The following SHB variants were observed in gnomAD, a reference collection of about 807,000 sequenced individuals.
The protein encoded by SHB is SH2 domain containing adaptor protein B, also known as SH2 domain-containing adapter protein B.
A neutral mutation model predicts 52.3 loss-of-function variants in SHB; 20 were observed. That is an observed-to-expected ratio of 0.38 (90% CI 0.27 to 0.56). The LOEUF is 0.56. SHB is among the 20% of genes least tolerant of loss of function. SHB has a pLI of 0.71. For synonymous variants in SHB, 397 were observed against 316.5 expected (o/e 1.25, Z -2.70); for missense variants, 825 against 723.3 (o/e 1.14, Z -1.61).
chr9:37,945,085 AG>A (rs759331002), intron 5 of SHB, among the ~76,000 whole-genome samples: 16 of 152,132 alleles, frequency 1.1e-4, no homozygotes, highest in Non-Finnish European at 1.9e-4. Flanking sequence ...GTGTCCTCTG[AG>A]GCTGAACTCC....
At chr9:38,035,609 G>A (rs1465980724) in intron 1 of SHB, among the ~76,000 whole-genome samples, 2 of 152,140 alleles carry the variant, frequency 1.3e-5, no homozygotes, top group Non-Finnish European at 2.9e-5. Context: ...GTTCAGCAAT[G>A]CCCACGGTGG....
At chr9:38,054,520 C>A (rs1012329193) in intron 1 of SHB, among the ~76,000 whole-genome samples, 1 of 152,206 alleles carries the variant, frequency 6.6e-6, no homozygotes, top group Non-Finnish European at 1.5e-5. Context: ...TTCATGCCCA[C>A]AGGAAGCTCC....
rs1413115529 is a variant in SHB, at chr9:38,029,724, C to G, written c.718-13593G>C. Among the ~76,000 whole-genome samples the G allele has an allele frequency of 2.0e-5, 3 of 152,166 alleles. No individual in the cohort carries two copies. In the East Asian group the frequency reaches 5.8e-4, roughly 29 times the overall value. The stretch of plus-strand genomic sequence containing the variant: ...CAGGCTGCTCTCGAACTCCTGACCT[C>G]AAGTGATACGCCTGCCTCAGCCTCC... On this transcript the variant is annotated intron_variant, in intron 1 of 5. Coordinates refer to ENST00000377707, the MANE Select transcript of SHB (RefSeq NM_003028.3).
At chr9:37,999,600 G>A (rs1379149618) in intron 2 of SHB, among the ~76,000 whole-genome samples, 2 of 151,930 alleles carry the variant, frequency 1.3e-5, no homozygotes, top group African/African-American at 2.4e-5. Context: ...GACACCAAGC[G>A]CCGCATACTG....
chr9:38,021,872 G>C (rs1156827238), intron 1 of SHB, among the ~76,000 whole-genome samples: 5 of 152,094 alleles, frequency 3.3e-5, no homozygotes, highest in African/African-American at 9.7e-5. Flanking sequence ...TCAGCACGTC[G>C]CATCTGCACA....
At chr9:38,045,780 C>T (rs1821645130) in intron 1 of SHB, among the ~76,000 whole-genome samples, 1 of 152,166 alleles carries the variant, frequency 6.6e-6, no homozygotes. Context: ...ACGTGGGCAA[C>T]TTCTGTGCAA....
chr9:37,926,461 C>T (rs1832252250), intron 5 of SHB, among the ~76,000 whole-genome samples: 1 of 152,208 alleles, frequency 6.6e-6, no homozygotes, highest in African/African-American at 2.4e-5. Flanking sequence ...TGTACCTCTT[C>T]ACAGCAACAC....
intron 2 of SHB, among the ~76,000 whole-genome samples, chr9:38,008,245 GT>G (rs1821095161): frequency 6.6e-6 from 1 of 152,200 alleles, no homozygotes. Flanking sequence ...GGGAGCCGGG[GT>G]GAGAGAATAG....
chr9:38,034,903 G>A (rs1309111758), intron 1 of SHB, among the ~76,000 whole-genome samples: 1 of 152,196 alleles, frequency 6.6e-6, no homozygotes, highest in African/African-American at 2.4e-5. Context: ...CACCATGTTG[G>A]TCAGGCTGGT....
chr9:37,977,519 CG>C (rs1219950569), intron 2 of SHB, among the ~76,000 whole-genome samples: 1 of 152,190 alleles, frequency 6.6e-6, no homozygotes, highest in Admixed American at 6.5e-5. Context: ...TGAGTAAACT[CG>C]GATCATTTAT....
intron 2 of SHB, among the ~76,000 whole-genome samples, chr9:37,992,112 TTGG>T (rs1187413024): frequency 2.0e-5 from 3 of 152,184 alleles, no homozygotes; most frequent in Non-Finnish European, 4.4e-5. Flanking sequence ...CAATAAAAAC[TTGG>T]TCCAGCCGGG....
rs536766238 is a variant in SHB, at chr9:37,967,729, C to T, written c.1054+6893G>A. 7.9e-5 allele frequency among the ~76,000 whole-genome samples: 12 copies of T among 152,364 alleles called. 3 individuals are homozygous for T. Among genetic ancestry groups the T allele is most frequent in the African/African-American group, 2.9e-4 (12 of 41,592 alleles). Reference sequence around the variant, plus strand: ...ACCCCGGATCTACCGAATCAGGAACCCTGGGGGTGGAACCCCAGCAATCTG... The same window carrying T: ...ACCCCGGATCTACCGAATCAGGAACTCTGGGGGTGGAACCCCAGCAATCTG... On this transcript the variant is annotated intron_variant, in intron 3 of 5. Coordinates refer to ENST00000377707, the MANE Select transcript of SHB (RefSeq NM_003028.3).
chr9:38,066,625 C>T (rs1351167172), intron 1 of SHB, among the ~76,000 whole-genome samples: 1 of 152,142 alleles, frequency 6.6e-6, no homozygotes, highest in East Asian at 1.9e-4. Flanking sequence ...AAACTGCCTC[C>T]AGGGAGAGGT....
intron 5 of SHB, among the ~76,000 whole-genome samples, chr9:37,942,451 A>C (rs962690021): frequency 6.6e-6 from 1 of 152,214 alleles, no homozygotes; most frequent in African/African-American, 2.4e-5. Context: ...CAAGTGGAGA[A>C]GATACCTGCC....
chr9:38,016,048 G>C lies in SHB; in HGVS notation c.801C>G (p.Gly267=), dbSNP rs1326978072. The change falls in exon 2 of 6, where the codon GGC becomes GGG. Residue 267 remains glycine (G), a synonymous_variant. Coordinates refer to ENST00000377707, the MANE Select transcript of SHB (RefSeq NM_003028.3). ...KSKAGKGESA[G]YMEPYEAQRI... ...TCTGTGCCTCATAGGGCTCCATGTA[G>C]CCAGCACTCTCCCCCTTTCCTGCTT... The C allele has an allele frequency of 6.2e-7, 1 of 1,614,038 alleles. No homozygotes were observed. Among genetic ancestry groups the C allele is most frequent in the African/African-American group, 1.3e-5 (1 of 74,936 alleles).
intron 5 of SHB, among the ~76,000 whole-genome samples, chr9:37,937,527 G>C (rs1302033452): frequency 6.6e-6 from 1 of 152,118 alleles, no homozygotes; most frequent in Admixed American, 6.5e-5. Flanking sequence ...AAGGAGGATG[G>C]AGGCTGCTCA....
At chr9:38,067,887 C>G in intron 1 of SHB, 42 bp downstream of exon 1, 1 of 1,417,522 alleles carries the variant, frequency 7.1e-7, no homozygotes, top group Non-Finnish European at 9.1e-7. Flanking sequence ...CCGTGCGCAC[C>G]GTGGCTCTGG....
intron 1 of SHB, among the ~76,000 whole-genome samples, chr9:38,061,682 G>C (rs1821895033): frequency 1.3e-5 from 2 of 152,170 alleles, no homozygotes; most frequent in Admixed American, 6.5e-5. Context: ...TTAAGCCCTG[G>C]GGTAATCAGT....
chr9:38,032,642 C>T (rs910621406), intron 1 of SHB, among the ~76,000 whole-genome samples: 1 of 152,236 alleles, frequency 6.6e-6, no homozygotes, highest in Non-Finnish European at 1.5e-5. Flanking sequence ...GTGCTTCCGC[C>T]TGCAGCCTTT....
Sources: gnomAD v4.1 joint callset for allele counts (sites outside exome capture counted in the v4.1 genomes callset) on GRCh38, gnomAD v4.1.1 for gene constraint, MANE v1.5 for transcripts, NCBI Gene and HGNC (gene_info 2026-07-23, HGNC 2026-07-21) for gene names.